ELP3: variants seen among roughly 807,000 people sequenced by gnomAD.
ELP3 encodes the protein elongator acetyltransferase complex subunit 3, also known as elongator complex protein 3.
Under a neutral mutation model 74.9 loss-of-function variants are expected in ELP3, and 56 were observed. The ratio of observed to expected loss-of-function variants is 0.75; its 90% CI spans 0.60 to 0.93. The LOEUF (loss-of-function observed/expected upper bound fraction) is 0.93. Ranked by LOEUF, ELP3 falls within the 40% of genes least tolerant of loss-of-function variation. The probability of loss-of-function intolerance (pLI) is 0.00; values close to 1 mark genes in which losing one functional copy is unlikely to be tolerated. For synonymous variants in ELP3, 222 were observed against 239.8 expected (o/e 0.93, Z 0.68); for missense variants, 573 against 686.5 (o/e 0.83, Z 1.85).
chr8:28,156,122 C>T, intron 11 of ELP3, 90 bp downstream of exon 11: 2 of 1,035,876 alleles, frequency 1.9e-6, no homozygotes, highest in Non-Finnish European at 2.9e-6. Flanking sequence ...CCCCTAAAAC[C>T]AGACTTGCGG....
intron 14 of ELP3, among the ~76,000 whole-genome samples, chr8:28,189,144 TGACA>T (rs1815355676): frequency 6.6e-6 from 1 of 152,256 alleles, no homozygotes; most frequent in African/African-American, 2.4e-5. Context: ...CCAACACTTC[TGACA>T]GTAGCCACAA....
chr8:28,102,440 C>T (rs532494998), intron 3 of ELP3, among the ~76,000 whole-genome samples: 37 of 152,318 alleles, frequency 2.4e-4, no homozygotes, highest in South Asian at 1.7e-3. Flanking sequence ...CATTTCCTTA[C>T]GCATCTATTT....
chr8:28,130,239 C>A (rs1232373506), intron 8 of ELP3, among the ~76,000 whole-genome samples: 1 of 152,122 alleles, frequency 6.6e-6, no homozygotes, highest in Non-Finnish European at 1.5e-5. Context: ...CAGTTAATTG[C>A]TAAATTAGTG....
chr8:28,132,348 C>G lies in ELP3; in HGVS notation c.850C>G (p.His284Asp). 3 of 1,614,106 alleles carry G rather than the reference C, an allele frequency of 1.9e-6. No individual in the cohort carries two copies. Among genetic ancestry groups the G allele is most frequent in the Non-Finnish European group, 2.5e-6 (3 of 1,179,986 alleles). The change falls in exon 9 of 15, where the codon CAT (histidine) becomes GAT (aspartate). Residue 284 changes from histidine (H) to aspartate (D), a missense_variant. By Grantham distance (81) the His-to-Asp change is moderately conservative (BLOSUM62 -1). Transcript: ENST00000256398. The stretch of plus-strand genomic sequence containing the variant: ...AGATTCCGGTTTTAAAGTGGTGGCC[C>G]ATATGATGCCTGACCTGCCAAACGT... ...AKDSGFKVVAHMMPDLPNVGL... is the reference protein window; with the variant it reads ...AKDSGFKVVADMMPDLPNVGL...
chr8:28,130,063 C>G (rs546996259), intron 8 of ELP3, among the ~76,000 whole-genome samples: 1 of 152,276 alleles, frequency 6.6e-6, no homozygotes, highest in South Asian at 2.1e-4. Flanking sequence ...CAAATACCAA[C>G]TAGCAAAAAG....
chr8:28,119,700 T>C (rs1413330996), intron 7 of ELP3, among the ~76,000 whole-genome samples: 2 of 148,310 alleles, frequency 1.3e-5, no homozygotes, highest in African/African-American at 2.5e-5. Context: ...AAAGTCCTAT[T>C]AAGATACAGA....
At chr8:28,093,540 A>G in intron 1 of ELP3, 1 of 448,038 alleles carries the variant, frequency 2.2e-6, no homozygotes, top group South Asian at 3.1e-5. Context: ...GGGTTGTAGG[A>G]CTTTTCATTT....
chr8:28,121,699 G>A (rs931272481), intron 7 of ELP3, among the ~76,000 whole-genome samples: 2 of 152,130 alleles, frequency 1.3e-5, no homozygotes, highest in Non-Finnish European at 2.9e-5. Flanking sequence ...TATGTCATAA[G>A]ACCTTACTAA....
intron 14 of ELP3, among the ~76,000 whole-genome samples, chr8:28,165,347 G>T (rs1295441256): frequency 6.6e-6 from 1 of 152,104 alleles, no homozygotes; most frequent in African/African-American, 2.4e-5. Context: ...TGTAGGTTGG[G>T]TGTTTGCTGA....
chr8:28,106,516 G>C (rs894764587), intron 3 of ELP3, among the ~76,000 whole-genome samples, 197 bp from the exon 4 acceptor site: 1 of 145,284 alleles, frequency 6.9e-6, no homozygotes, highest in Non-Finnish European at 1.5e-5. Context: ...CTCCAGCCTG[G>C]GCGACAGAGC....
chr8:28,159,779 T>A (rs1470393640), intron 12 of ELP3, among the ~76,000 whole-genome samples: 2 of 152,214 alleles, frequency 1.3e-5, no homozygotes, highest in Non-Finnish European at 2.9e-5. Context: ...ATCACATTTT[T>A]CTTCCCCAAA....
At chr8:28,129,889 C>T (rs1021207690) in intron 8 of ELP3, among the ~76,000 whole-genome samples, 2 of 152,206 alleles carry the variant, frequency 1.3e-5, no homozygotes, top group Non-Finnish European at 2.9e-5. Context: ...TAAACACACT[C>T]ATCTCTCTCC....
rs1364884287 is a variant in ELP3, at chr8:28,138,412, A to G, written c.1100+521A>G. On this transcript the variant is annotated intron_variant, in intron 10 of 14. Transcript: ENST00000256398. Reference sequence around the variant, plus strand: ...GAAAAGAGAAAGTAAGATCTCATTTACAATCAGGAACCTTATCTACCTATT... The same window carrying G: ...GAAAAGAGAAAGTAAGATCTCATTTGCAATCAGGAACCTTATCTACCTATT... 2.0e-5 allele frequency among the ~76,000 whole-genome samples: 3 copies of G among 152,218 alleles called. No homozygotes were observed. In the East Asian group the frequency reaches 5.8e-4, roughly 29 times the overall value.
intron 11 of ELP3, among the ~76,000 whole-genome samples, chr8:28,157,203 A>G (rs1813862430): frequency 6.6e-6 from 1 of 151,608 alleles, no homozygotes; most frequent in African/African-American, 2.4e-5. Context: ...GAATTCAGTC[A>G]TAGCCAAAAT....
At chr8:28,091,839 G>A (rs1811063177), upstream of ELP3, among the ~76,000 whole-genome samples, 1 of 152,190 alleles carries the variant, frequency 6.6e-6, no homozygotes, top group Non-Finnish European at 1.5e-5. Flanking sequence ...TTTCCAAAGA[G>A]GGTTTTGAGG....
chr8:28,124,170 G>A (rs1414513478), intron 7 of ELP3, among the ~76,000 whole-genome samples: 1 of 151,796 alleles, frequency 6.6e-6, no homozygotes, highest in Non-Finnish European at 1.5e-5. Flanking sequence ...CCTTTAATAG[G>A]GAATATCTTC....
At chr8:28,091,942 G>A (rs28507020), upstream of ELP3, among the ~76,000 whole-genome samples, 1 of 152,148 alleles carries the variant, frequency 6.6e-6, no homozygotes, top group Non-Finnish European at 1.5e-5. Flanking sequence ...TTTTACAGAA[G>A]ACAAAGTAAA....
At chr8:28,181,281 A>C (rs1047025200) in intron 14 of ELP3, among the ~76,000 whole-genome samples, 1 of 152,300 alleles carries the variant, frequency 6.6e-6, no homozygotes, top group East Asian at 1.9e-4. Context: ...CCCTGCCTCT[A>C]GCTTCCATCA....
At chr8:28,166,232 G>A (rs370486769) in intron 14 of ELP3, among the ~76,000 whole-genome samples, 64 of 152,230 alleles carry the variant, frequency 4.2e-4, no homozygotes, top group Admixed American at 1.1e-3. Context: ...CCTTCCCCTC[G>A]TTGATTGTCT....
Sources: allele counts gnomAD v4.1 joint callset (sites outside exome capture counted in the v4.1 genomes callset), GRCh38; gene constraint gnomAD v4.1.1; transcripts MANE v1.5; gene names NCBI Gene and HGNC (gene_info 2026-07-23, HGNC 2026-07-21).